Variants in SRGAP3 observed in about 807,000 individuals in gnomAD.
SRGAP3 encodes the protein SLIT-ROBO Rho GTPase activating protein 3, also known as SLIT-ROBO Rho GTPase-activating protein 3.
SRGAP3 carries 39 observed loss-of-function variants against 121.1 expected under a neutral mutation model. The ratio of observed to expected loss-of-function variants is 0.32; its 90% CI spans 0.25 to 0.42. The LOEUF (loss-of-function observed/expected upper bound fraction) is 0.42. Ranked by LOEUF, SRGAP3 falls within the 10% of genes least tolerant of loss-of-function variation. The probability of loss-of-function intolerance (pLI) is 1.00; values close to 1 mark genes in which losing one functional copy is unlikely to be tolerated. For missense variants in SRGAP3, 1,213 were observed against 1,470.6 expected, an observed-to-expected ratio of 0.82 and a Z score of 2.86; for synonymous variants, 601 against 570.0, an observed-to-expected ratio of 1.05 and a Z score of -0.77.
chr3:9,337,941 C>T (rs1955719053), intron 1 of SRGAP3, among the ~76,000 whole-genome samples: 1 of 152,154 alleles, frequency 6.6e-6, no homozygotes, highest in South Asian at 2.1e-4. Context: ...ATTACAATGC[C>T]AGTTTTTACT....
chr3:9,227,559 T>C (rs192245048), intron 1 of SRGAP3, among the ~76,000 whole-genome samples: 9 of 152,378 alleles, frequency 5.9e-5, no homozygotes, highest in Non-Finnish European at 4.4e-5. Context: ...TGGGATTCAG[T>C]CCTAGATCTG....
At chr3:8,999,267 G>A (rs1677040) in intron 18 of SRGAP3, among the ~76,000 whole-genome samples, 91,102 of 151,990 alleles carry the variant, frequency 0.6, 28,128 homozygotes, top group African/African-American at 0.75. Flanking sequence ...TTGGAGGGGA[G>A]AGGCTGGAGG....
chr3:9,113,745 A>C (rs1948710927), intron 2 of SRGAP3, among the ~76,000 whole-genome samples: 1 of 151,980 alleles, frequency 6.6e-6, no homozygotes, highest in African/African-American at 2.4e-5. Context: ...ATGAGTTCTC[A>C]CAAGATCTGA....
intron 3 of SRGAP3, among the ~76,000 whole-genome samples, chr3:9,312,590 A>G (rs570060879): frequency 1.5e-4 from 23 of 152,356 alleles, no homozygotes; most frequent in African/African-American, 5.3e-4. Context: ...AGCAGTCATG[A>G]ACGACACAAT....
chr3:9,059,931 A>T (rs1946052469), intron 6 of SRGAP3: 3 of 412,392 alleles, frequency 7.3e-6, no homozygotes, highest in South Asian at 6.1e-5. Flanking sequence ...CCTCAAACCC[A>T]GCAAAGGACC....
intron 11 of SRGAP3, chr3:9,037,597 C>A: frequency 4.5e-6 from 1 of 220,744 alleles, no homozygotes; most frequent in Non-Finnish European, 9.1e-6. Flanking sequence ...ATGCGTGTGC[C>A]CAGCTGCGCG....
chr3:9,145,879 G>C (rs1003025767), intron 1 of SRGAP3, among the ~76,000 whole-genome samples: 2 of 152,198 alleles, frequency 1.3e-5, no homozygotes, highest in African/African-American at 4.8e-5. Flanking sequence ...CAAAGGCCCT[G>C]AGGTCTGGAA....
At chr3:9,188,551 G>A (rs1239730293) in intron 1 of SRGAP3, among the ~76,000 whole-genome samples, 3 of 152,284 alleles carry the variant, frequency 2.0e-5, no homozygotes, top group East Asian at 1.9e-4. Context: ...GAATGGACAC[G>A]AAGAAAGATG....
At chr3:9,058,607 T>C in intron 6 of SRGAP3, 135 bp from the exon 7 acceptor site, 1 of 918,810 alleles carries the variant, frequency 1.1e-6, no homozygotes, top group Non-Finnish European at 1.7e-6. Context: ...CCAAGGCACT[T>C]TGGAATCCTA....
chr3:9,123,370 A>T (rs1192377563), intron 2 of SRGAP3, among the ~76,000 whole-genome samples: 1 of 136,094 alleles, frequency 7.3e-6, no homozygotes, highest in African/African-American at 3.1e-5. Context: ...TCACAATTAA[A>T]AAATATATAT....
Position 8,992,912 on chromosome 3 carries a change from A to G in SRGAP3, c.2552T>C (p.Met851Thr), listed in dbSNP as rs1205587726. ...ATGAATCCGCATATCCTACCGGCCC[A>G]TCACCCCCCCAAAGCCGTAATCCGA... ...HISDYGFGGVMGRVRLRSDGA... is the reference protein window; with the variant it reads ...HISDYGFGGVTGRVRLRSDGA... The change falls in exon 20 of 22, where the codon ATG (methionine) becomes ACG (threonine). Residue 851 changes from methionine (M) to threonine (T), a missense_variant. By Grantham distance (81) the Met-to-Thr change is moderately conservative (BLOSUM62 -1). Transcript: ENST00000383836. 1.2e-5 allele frequency: 20 copies of G among 1,613,990 alleles called. No homozygotes were observed. Among genetic ancestry groups the G allele is most frequent in the Non-Finnish European group, 1.6e-5 (19 of 1,180,044 alleles).
chr3:9,324,901 G>A lies in SRGAP3; in HGVS notation n.442+1109C>T, dbSNP rs1367372313. Reference sequence around the variant, plus strand: ...GAACCCGGGAGGCGGAGCTTGCAGTGAGCCGAGATCGCGCCACTGCACTCC... The same window carrying A: ...GAACCCGGGAGGCGGAGCTTGCAGTAAGCCGAGATCGCGCCACTGCACTCC... On this transcript the variant is annotated intron_variant and non_coding_transcript_variant, in intron 3 of 3. Transcript: ENST00000490889. Among the ~76,000 whole-genome samples the A allele has an allele frequency of 3.3e-5, 5 of 151,380 alleles. No individual in the cohort carries two copies. The South Asian group carries it at 8.3e-4, about 25-fold the overall frequency.
At chr3:9,043,279 G>A (rs565594136) in intron 10 of SRGAP3, among the ~76,000 whole-genome samples, 1 of 152,248 alleles carries the variant, frequency 6.6e-6, no homozygotes, top group South Asian at 2.1e-4. Flanking sequence ...TCAGCCTCCT[G>A]AGTAGCTGGG....
At chr3:9,220,945 C>T (rs974327480) in intron 1 of SRGAP3, among the ~76,000 whole-genome samples, 1 of 152,198 alleles carries the variant, frequency 6.6e-6, no homozygotes, top group African/African-American at 2.4e-5. Context: ...CAGACCCCAC[C>T]TCCCATCCTC....
At chr3:9,307,038 TC>T (rs910445844) in intron 3 of SRGAP3, among the ~76,000 whole-genome samples, 1 of 152,198 alleles carries the variant, frequency 6.6e-6, no homozygotes, top group Non-Finnish European at 1.5e-5. Context: ...AGTGGTGCAA[TC>T]ATGGCTTACT....
intron 2 of SRGAP3, among the ~76,000 whole-genome samples, chr3:9,326,931 T>C (rs919283820): frequency 6.6e-6 from 1 of 151,848 alleles, no homozygotes; most frequent in Non-Finnish European, 1.5e-5. Flanking sequence ...CAAGACCCAA[T>C]GAAGATAGCA....
chr3:8,994,188 G>A (rs1942247081), intron 19 of SRGAP3, 155 bp downstream of exon 19: 3 of 973,648 alleles, frequency 3.1e-6, no homozygotes, highest in Middle Eastern at 2.9e-4. Context: ...CCATTTAAAG[G>A]GAAGTTAGAT....
chr3:9,115,921 T>C (rs1453624277), intron 2 of SRGAP3, among the ~76,000 whole-genome samples: 1 of 152,196 alleles, frequency 6.6e-6, no homozygotes, highest in Non-Finnish European at 1.5e-5. Context: ...GTATATTCAA[T>C]CTTGAGGTCT....
intron 3 of SRGAP3, among the ~76,000 whole-genome samples, chr3:9,301,561 T>C (rs1387089288): frequency 1.3e-5 from 2 of 152,230 alleles, no homozygotes; most frequent in African/African-American, 4.8e-5. Flanking sequence ...CCATGGTTTC[T>C]GTAAGGGGTG....
Sources: allele counts gnomAD v4.1 joint callset (sites outside exome capture counted in the v4.1 genomes callset), GRCh38; gene constraint gnomAD v4.1.1; transcripts MANE v1.5; gene names NCBI Gene and HGNC (gene_info 2026-07-23, HGNC 2026-07-21).